The following SUPT3H variants were observed in gnomAD, a reference collection of about 807,000 sequenced individuals.
The protein encoded by SUPT3H is SPT3 homolog, SAGA and STAGA complex component, also known as transcription initiation protein SPT3 homolog.
A neutral mutation model predicts 44.3 loss-of-function variants in SUPT3H; 44 were observed. That is an observed-to-expected ratio of 0.99 (90% confidence interval 0.78 to 1.28). SUPT3H has a LOEUF of 1.28. SUPT3H is among the 50% of genes most tolerant of loss of function. The pLI is 0.00. For synonymous variants in SUPT3H, 124 were observed against 125.6 expected (o/e 0.99, Z 0.09); for missense variants, 380 against 387.1 (o/e 0.98, Z 0.15).
intron 9 of SUPT3H, among the ~76,000 whole-genome samples, chr6:44,952,665 A>T (rs1324556804): frequency 6.6e-6 from 1 of 152,244 alleles, no homozygotes; most frequent in African/African-American, 2.4e-5. Context: ...CATTCAAGAC[A>T]CTGCAATACA....
intron 2 of SUPT3H, among the ~76,000 whole-genome samples, chr6:45,226,948 G>C (rs949769185): frequency 6.6e-6 from 1 of 151,840 alleles, no homozygotes; most frequent in Admixed American, 6.6e-5. Flanking sequence ...AGTGAGCTAC[G>C]ATCATGCCAC....
intron 10 of SUPT3H, among the ~76,000 whole-genome samples, chr6:44,847,261 A>C (rs1772033868): frequency 6.6e-6 from 1 of 152,210 alleles, no homozygotes; most frequent in Non-Finnish European, 1.5e-5. Context: ...TGAGACTACA[A>C]GTCTGGTCAC....
chr6:45,287,053 G>A (rs1341076864), intron 2 of SUPT3H, among the ~76,000 whole-genome samples: 1 of 151,960 alleles, frequency 6.6e-6, no homozygotes, highest in African/African-American at 2.4e-5. Context: ...GAGAACACAT[G>A]GACACAGGAA....
At chr6:45,169,229 TC>T (rs1266306771) in intron 2 of SUPT3H, among the ~76,000 whole-genome samples, 1 of 152,162 alleles carries the variant, frequency 6.6e-6, no homozygotes, top group Non-Finnish European at 1.5e-5. Flanking sequence ...TCACATAAAC[TC>T]CATGGCTGAT....
chr6:44,918,215 T>G (rs568202445), intron 10 of SUPT3H, among the ~76,000 whole-genome samples: 6 of 152,326 alleles, frequency 3.9e-5, no homozygotes, highest in African/African-American at 1.4e-4. Context: ...AGAAACATCA[T>G]GAAACTCACA....
At chr6:45,281,453 C>A (rs4610549) in intron 2 of SUPT3H, among the ~76,000 whole-genome samples, 88,808 of 151,730 alleles carry the variant, frequency 0.59, 26,788 homozygotes, top group African/African-American at 0.74. Context: ...TATCCCGTGC[C>A]TGGCTCAGAG....
intron 2 of SUPT3H, among the ~76,000 whole-genome samples, chr6:45,332,834 C>T (rs1052200891): frequency 6.6e-6 from 1 of 151,696 alleles, no homozygotes; most frequent in South Asian, 2.1e-4. Flanking sequence ...ACAAGTCAGA[C>T]ATTACTAATC....
At chr6:45,375,553 T>C (rs1288781808) in intron 1 of SUPT3H, among the ~76,000 whole-genome samples, 1 of 152,096 alleles carries the variant, frequency 6.6e-6, no homozygotes, top group Non-Finnish European at 1.5e-5. Flanking sequence ...AGCATCATTT[T>C]TTTTTTTAAA....
chr6:45,215,918 C>T (rs1764961742), intron 2 of SUPT3H, among the ~76,000 whole-genome samples: 1 of 152,086 alleles, frequency 6.6e-6, no homozygotes, highest in South Asian at 2.1e-4. Context: ...ATTCTAAAAA[C>T]AAGCAAGACA....
At chr6:45,366,593 T>C (rs557684081) in intron 1 of SUPT3H, among the ~76,000 whole-genome samples, 3 of 152,198 alleles carry the variant, frequency 2.0e-5, no homozygotes, top group Admixed American at 6.5e-5. Context: ...TAAATTTAGA[T>C]GTATTACCCT....
chr6:44,938,844 G>C (rs950392794), intron 9 of SUPT3H, among the ~76,000 whole-genome samples: 1 of 152,056 alleles, frequency 6.6e-6, no homozygotes, highest in Non-Finnish European at 1.5e-5. Context: ...TACTTTAAAT[G>C]AGATTGCCTT....
intron 2 of SUPT3H, among the ~76,000 whole-genome samples, chr6:45,172,581 A>G (rs1810991415): frequency 8.5e-6 from 1 of 117,926 alleles, no homozygotes; most frequent in African/African-American, 3.3e-5. Flanking sequence ...ATAAATCCTT[A>G]AAGATAGATA....
chr6:44,965,916 G>C (rs994645513), intron 6 of SUPT3H, among the ~76,000 whole-genome samples: 1 of 152,160 alleles, frequency 6.6e-6, no homozygotes, highest in African/African-American at 2.4e-5. Flanking sequence ...CTCACTAGCT[G>C]AATCAAGGGA....
At chr6:45,279,674 C>A (rs989257118) in intron 2 of SUPT3H, among the ~76,000 whole-genome samples, 2 of 152,200 alleles carry the variant, frequency 1.3e-5, no homozygotes, top group African/African-American at 4.8e-5. Flanking sequence ...GCCTGCAGAA[C>A]CATAAGCCAA....
chr6:45,308,571 G>A lies in SUPT3H; in HGVS notation c.101+56630C>T, dbSNP rs1207587990. On this transcript the variant is annotated intron_variant, in intron 2 of 10. Coordinates refer to ENST00000371459, the MANE Select transcript of SUPT3H (RefSeq NM_003599.4). ...GAGAGATTTTGTCACCACCAGGCCT[G>A]CCCTACAAGAGCTCCTGTCCTGGGA... 3.3e-5 allele frequency among the ~76,000 whole-genome samples: 5 copies of A among 152,246 alleles called. No individual in the cohort carries two copies. The East Asian group carries it at 9.7e-4, about 29-fold the overall frequency.
intron 3 of SUPT3H, among the ~76,000 whole-genome samples, chr6:45,035,861 A>G (rs1787589101): frequency 3.3e-5 from 5 of 152,152 alleles, no homozygotes; most frequent in Admixed American, 3.3e-4. Flanking sequence ...TAGAGGATTA[A>G]TACAGTTCCA....
At chr6:44,928,344 C>A (rs1184255585) in intron 10 of SUPT3H, among the ~76,000 whole-genome samples, 2 of 151,960 alleles carry the variant, frequency 1.3e-5, no homozygotes, top group Non-Finnish European at 2.9e-5. Context: ...GAAAAACAAA[C>A]AAGAAGCAAA....
intron 2 of SUPT3H, among the ~76,000 whole-genome samples, chr6:45,355,170 C>T (rs1295750235): frequency 6.7e-6 from 1 of 149,750 alleles, no homozygotes; most frequent in African/African-American, 2.5e-5. Flanking sequence ...TGGGGTACCA[C>T]AGACTGGTCT....
chr6:45,265,128 ATAT>A (rs899663092), intron 2 of SUPT3H, among the ~76,000 whole-genome samples: 2 of 152,126 alleles, frequency 1.3e-5, no homozygotes, highest in African/African-American at 4.8e-5. Flanking sequence ...GATTAAAGCA[ATAT>A]TTTTGGAAAT....
Sources: gnomAD v4.1 joint callset for allele counts (sites outside exome capture counted in the v4.1 genomes callset) on GRCh38, gnomAD v4.1.1 for gene constraint, MANE v1.5 for transcripts, NCBI Gene and HGNC (gene_info 2026-07-23, HGNC 2026-07-21) for gene names.